Variants in DCLK2 observed in about 807,000 individuals in gnomAD.
DCLK2 encodes doublecortin like kinase 2.
A neutral mutation model predicts 78.4 loss-of-function variants in DCLK2; 31 were observed. The observed-to-expected ratio is 0.40, with a 90% CI of 0.30 to 0.53. The LOEUF is 0.53. Among genes scored for constraint, DCLK2 ranks in the 20% least tolerant of loss-of-function variants. The probability of loss-of-function intolerance (pLI) is 0.61; values close to 1 mark genes in which losing one functional copy is unlikely to be tolerated. For synonymous variants in DCLK2, 407 were observed against 374.9 expected (o/e 1.09, Z -0.99); for missense variants, 872 against 973.7 (o/e 0.90, Z 1.39).
chr4:150,109,046 T>C (rs1470047964), intron 2 of DCLK2, among the ~76,000 whole-genome samples: 1 of 152,182 alleles, frequency 6.6e-6, no homozygotes, highest in Non-Finnish European at 1.5e-5. Flanking sequence ...ATCTTCACTT[T>C]TTAAAAAGTT....
chr4:150,186,448 A>G (rs976058755), intron 2 of DCLK2, among the ~76,000 whole-genome samples: 31 of 152,304 alleles, frequency 2.0e-4, no homozygotes, highest in African/African-American at 5.8e-4. Flanking sequence ...CTTTATTCCC[A>G]TAATAGTCAG....
intron 2 of DCLK2, among the ~76,000 whole-genome samples, chr4:150,136,976 C>CT (rs1359782508): frequency 4.7e-4 from 52 of 110,690 alleles, no homozygotes; most frequent in African/African-American, 1.3e-3. Flanking sequence ...TCTTCTTCTT[C>CT]TTCTTTTTTT....
intron 14 of DCLK2, among the ~76,000 whole-genome samples, chr4:150,249,211 A>G (rs1045839052): frequency 9.9e-5 from 15 of 152,148 alleles, no homozygotes; most frequent in African/African-American, 2.4e-4. Flanking sequence ...GTGAAAAACA[A>G]TGATCTTTGA....
chr4:150,146,482 A>G (rs1370814889), intron 2 of DCLK2, among the ~76,000 whole-genome samples: 14 of 152,234 alleles, frequency 9.2e-5, no homozygotes, highest in Admixed American at 7.2e-4. Flanking sequence ...ATACAAAACC[A>G]TAGTTTATTT....
intron 2 of DCLK2, among the ~76,000 whole-genome samples, chr4:150,174,253 C>G (rs1261598626): frequency 1.3e-5 from 2 of 152,206 alleles, no homozygotes; most frequent in Non-Finnish European, 2.9e-5. Flanking sequence ...ATGCGGCATC[C>G]TGTTTGTCCA....
intron 2 of DCLK2, among the ~76,000 whole-genome samples, chr4:150,182,881 C>T (rs1262017685): frequency 3.9e-5 from 6 of 152,078 alleles, no homozygotes; most frequent in African/African-American, 1.4e-4. Flanking sequence ...TTTTTAACTA[C>T]TCTTAGATAG....
chr4:150,193,241 G>T lies in DCLK2; in HGVS notation c.859+1G>T. On this transcript the variant is annotated splice_donor_variant, in intron 3 of 15. Coordinates refer to ENST00000296550, the MANE Select transcript of DCLK2 (RefSeq NM_001040260.4). LOFTEE classifies it high-confidence loss of function. Reference sequence around the variant, plus strand: ...GATGACTTTGTCCTGGATCATAGTGGTAAGGCAATTCTTCAGCTAATTCAT... The same window carrying T: ...GATGACTTTGTCCTGGATCATAGTGTTAAGGCAATTCTTCAGCTAATTCAT... 1 of 1,580,216 alleles carries T rather than the reference G, an allele frequency of 6.3e-7. No individual in the cohort carries two copies. Among genetic ancestry groups the T allele is most frequent in the Non-Finnish European group, 8.7e-7 (1 of 1,152,924 alleles).
intron 2 of DCLK2, among the ~76,000 whole-genome samples, chr4:150,135,723 C>T (rs557286168): frequency 1.3e-5 from 2 of 152,298 alleles, no homozygotes; most frequent in Admixed American, 1.3e-4. Flanking sequence ...AAAGTGTCTG[C>T]TCTTTCAAAG....
chr4:150,183,058 A>T (rs760117407), intron 2 of DCLK2, among the ~76,000 whole-genome samples: 3 of 152,130 alleles, frequency 2.0e-5, no homozygotes, highest in Non-Finnish European at 2.9e-5. Context: ...TACTCCTGAT[A>T]TCTATCTTCC....
chr4:150,253,490 G>T (rs1744335552), intron 15 of DCLK2: 1 of 1,289,688 alleles, frequency 7.8e-7, no homozygotes, highest in Non-Finnish European at 1.0e-6. Context: ...TTGACAGTTT[G>T]AGAGGCACCT....
Position 150,086,438 on chromosome 4 carries a change from A to G in DCLK2, c.421+6990A>G, listed in dbSNP as rs75439939. Among the ~76,000 whole-genome samples, 256 of 152,230 alleles carry G rather than the reference A, an allele frequency of 1.7e-3. 2 individuals carry two copies. Among genetic ancestry groups the G allele is most frequent in the East Asian group, 0.015 (75 of 5,170 alleles). On this transcript the variant is annotated intron_variant, in intron 1 of 15. Transcript: ENST00000296550. ...GTCCCAAGAAGTTATCAATTTCACT[A>G]GTATCTGAGATTGAGATGTCTGACT...
chr4:150,227,867 A>G (rs1205996510), intron 8 of DCLK2, among the ~76,000 whole-genome samples: 1 of 152,210 alleles, frequency 6.6e-6, no homozygotes, highest in African/African-American at 2.4e-5. Flanking sequence ...ATTTGGAAGT[A>G]TTCGTTTCCC....
intron 2 of DCLK2, among the ~76,000 whole-genome samples, chr4:150,113,916 C>T (rs960787925): frequency 6.6e-6 from 1 of 152,110 alleles, no homozygotes; most frequent in Admixed American, 6.5e-5. Context: ...ACTGCTTTTG[C>T]TGTATCCCAG....
chr4:150,153,701 CACT>C (rs1031185205), intron 2 of DCLK2, among the ~76,000 whole-genome samples: 14 of 152,022 alleles, frequency 9.2e-5, no homozygotes, highest in African/African-American at 3.4e-4. Flanking sequence ...AGATGTGAGC[CACT>C]ACAACAAGCC....
chr4:150,249,532 A>G (rs1164537741), intron 14 of DCLK2, 36 bp from the exon 15 acceptor site: 1 of 1,584,744 alleles, frequency 6.3e-7, no homozygotes, highest in Non-Finnish European at 8.7e-7. Context: ...GGGAGGATGG[A>G]AAAAGCATTG....
At position 150,102,443 on chromosome 4, in the gene DCLK2, T is replaced by C. The variant is rs748588755; in HGVS notation, c.422-35T>C. ...AGACCAAATGCTTCTATGATAGAGA[T>C]AATCATGCTAATAAAATCAAATTTT... On this transcript the variant is annotated intron_variant, in intron 1 of 15. Coordinates refer to ENST00000296550, the MANE Select transcript of DCLK2 (RefSeq NM_001040260.4). 5.7e-6 allele frequency: 9 copies of C among 1,590,298 alleles called. No homozygotes were observed. In the Admixed American group the frequency reaches 1.5e-4, roughly 27 times the overall value.
chr4:150,186,830 C>G (rs913751536), intron 2 of DCLK2, among the ~76,000 whole-genome samples: 4 of 151,912 alleles, frequency 2.6e-5, no homozygotes, highest in Non-Finnish European at 4.4e-5. Context: ...GAGGTTGAGG[C>G]TGCAGTGAGC....
chr4:150,099,394 C>T (rs1277805354), intron 1 of DCLK2, among the ~76,000 whole-genome samples: 4 of 152,206 alleles, frequency 2.6e-5, no homozygotes, highest in Non-Finnish European at 5.9e-5. Context: ...ACTAACTGCC[C>T]AGGGAACCAA....
At position 150,096,371 on chromosome 4, in the gene DCLK2, G is replaced by C. The variant is rs78733359; in HGVS notation, c.422-6107G>C. On this transcript the variant is annotated intron_variant, in intron 1 of 15. Coordinates refer to ENST00000296550, the MANE Select transcript of DCLK2 (RefSeq NM_001040260.4). ...ATATGTAGCATGTGAGATATTCATA[G>C]ATATCTAGAGAGGGATATTCTGTTA... Among the ~76,000 whole-genome samples the C allele has an allele frequency of 7.9e-3, 1,198 of 152,326 alleles. 21 individuals carry two copies. The highest frequency in any genetic ancestry group is 0.027 in the African/African-American group (1,135 of 41,576).
Sources: allele counts gnomAD v4.1 joint callset (sites outside exome capture counted in the v4.1 genomes callset), GRCh38; gene constraint gnomAD v4.1.1; transcripts MANE v1.5; gene names NCBI Gene and HGNC (gene_info 2026-07-23, HGNC 2026-07-21).